Variants in GRM5 observed in about 807,000 individuals in gnomAD.
GRM5 encodes the protein metabotropic glutamate receptor 5.
GRM5 carries 19 observed loss-of-function variants against 83.1 expected under a neutral mutation model. That is an observed-to-expected ratio of 0.23 (90% CI 0.16 to 0.34). The LOEUF is 0.34. Ranked by LOEUF, GRM5 falls within the 10% of genes least tolerant of loss-of-function variation. GRM5 has a pLI of 1.00. For synonymous variants in GRM5, 675 were observed against 633.6 expected (o/e 1.07, Z -0.98); for missense variants, 1,160 against 1,588.3 (o/e 0.73, Z 4.58).
At chr11:88,656,242 A>G (rs904708910) in intron 3 of GRM5, among the ~76,000 whole-genome samples, 1 of 152,176 alleles carries the variant, frequency 6.6e-6, no homozygotes, top group Non-Finnish European at 1.5e-5. Flanking sequence ...AAGGCACTTT[A>G]CTAGATTTAT....
At chr11:88,523,656 G>A (rs1364627602) in intron 9 of GRM5, among the ~76,000 whole-genome samples, 2 of 152,126 alleles carry the variant, frequency 1.3e-5, no homozygotes, top group Non-Finnish European at 2.9e-5. Context: ...CACTATCATT[G>A]CCTTGTCTCT....
chr11:88,626,284 T>C (rs991529349), intron 4 of GRM5, among the ~76,000 whole-genome samples: 2 of 152,218 alleles, frequency 1.3e-5, no homozygotes, highest in African/African-American at 4.8e-5. Flanking sequence ...AACGTTGCTT[T>C]TATATTTTGC....
chr11:88,620,937 A>G (rs16914326), intron 4 of GRM5, among the ~76,000 whole-genome samples: 3,827 of 152,334 alleles, frequency 0.025, 208 homozygotes, highest in Admixed American at 0.14. Flanking sequence ...GGGAGCTTCA[A>G]AAATTCAACA....
At chr11:89,011,928 T>A (rs1243612870) in intron 2 of GRM5, among the ~76,000 whole-genome samples, 3 of 152,206 alleles carry the variant, frequency 2.0e-5, no homozygotes, top group East Asian at 1.9e-4. Flanking sequence ...ACAGAATGAT[T>A]AAGGGAAGAA....
chr11:88,706,764 G>A (rs960717118), intron 3 of GRM5, among the ~76,000 whole-genome samples: 1 of 151,360 alleles, frequency 6.6e-6, no homozygotes, highest in African/African-American at 2.4e-5. Flanking sequence ...TCCAAGATAT[G>A]AATGCTTATA....
intron 4 of GRM5, among the ~76,000 whole-genome samples, chr11:88,620,966 G>A (rs1205561648): frequency 2.0e-5 from 3 of 152,126 alleles, no homozygotes; most frequent in African/African-American, 4.8e-5. Flanking sequence ...ACACTTCTCC[G>A]TGCAGAACAT....
chr11:89,014,962 C>A (rs1228164938), intron 2 of GRM5, among the ~76,000 whole-genome samples: 21 of 152,218 alleles, frequency 1.4e-4, no homozygotes, highest in African/African-American at 5.1e-4. Context: ...CCATCTTTCA[C>A]TAGGGCTGAT....
At chr11:88,988,689 G>T (rs997708040) in intron 2 of GRM5, among the ~76,000 whole-genome samples, 4 of 151,624 alleles carry the variant, frequency 2.6e-5, no homozygotes, top group African/African-American at 9.7e-5. Context: ...AGCCAGAAGA[G>T]AGTGGAGGCC....
intron 3 of GRM5, among the ~76,000 whole-genome samples, chr11:88,782,649 C>T (rs186480928): frequency 8.6e-5 from 13 of 151,972 alleles, no homozygotes; most frequent in Non-Finnish European, 1.9e-4. Flanking sequence ...TTAAGATTGT[C>T]CCTGTTATAA....
At chr11:88,740,180 CA>C (rs956623708) in intron 3 of GRM5, among the ~76,000 whole-genome samples, 1 of 152,066 alleles carries the variant, frequency 6.6e-6, no homozygotes, top group African/African-American at 2.4e-5. Context: ...ATTACTTCCA[CA>C]CACTAATTTT....
intron 2 of GRM5, among the ~76,000 whole-genome samples, chr11:88,935,579 A>C (rs2135655757): frequency 6.6e-6 from 1 of 151,964 alleles, no homozygotes; most frequent in African/African-American, 2.4e-5. Context: ...GCAAGGTGTA[A>C]ACTTCCCCCA....
At chr11:89,033,660 A>G (rs1182966338) in intron 2 of GRM5, among the ~76,000 whole-genome samples, 1 of 151,938 alleles carries the variant, frequency 6.6e-6, no homozygotes, top group East Asian at 1.9e-4. Context: ...GATTGAAGGT[A>G]AAAGCAAAAG....
intron 2 of GRM5, among the ~76,000 whole-genome samples, chr11:88,990,696 G>A (rs1939932381): frequency 6.6e-6 from 1 of 151,074 alleles, no homozygotes; most frequent in African/African-American, 2.4e-5. Flanking sequence ...TGGGATGCAA[G>A]GCTGGTTCAA....
intron 7 of GRM5, 62 bp downstream of exon 7, chr11:88,590,539 C>G: frequency 7.3e-7 from 1 of 1,375,302 alleles, no homozygotes. Flanking sequence ...ATGTGACCCC[C>G]CTCTCCCACG....
At chr11:88,676,304 C>T (rs1229881123) in intron 3 of GRM5, among the ~76,000 whole-genome samples, 3 of 151,916 alleles carry the variant, frequency 2.0e-5, no homozygotes, top group African/African-American at 7.3e-5. Context: ...TTCAGTTTCA[C>T]ATGCATTATT....
intron 2 of GRM5, among the ~76,000 whole-genome samples, chr11:88,980,012 T>C (rs1172601942): frequency 6.6e-6 from 1 of 152,202 alleles, no homozygotes; most frequent in Non-Finnish European, 1.5e-5. Context: ...GACTATACAA[T>C]TTTAAATGTT....
chr11:88,896,198 C>T (rs1313664404), intron 2 of GRM5, among the ~76,000 whole-genome samples: 1 of 151,786 alleles, frequency 6.6e-6, no homozygotes, highest in Non-Finnish European at 1.5e-5. Flanking sequence ...AGGCTCAAAT[C>T]TAAGTTTGCC....
intron 8 of GRM5, among the ~76,000 whole-genome samples, chr11:88,542,324 G>T (rs764155379): frequency 6.6e-6 from 1 of 151,784 alleles, no homozygotes; most frequent in African/African-American, 2.4e-5. Context: ...CTAGATTAAA[G>T]AAAATAACCA....
chr11:88,711,823 T>C (rs1264518831), intron 3 of GRM5, among the ~76,000 whole-genome samples: 1 of 151,948 alleles, frequency 6.6e-6, no homozygotes, highest in African/African-American at 2.4e-5. Flanking sequence ...AAAAACATCA[T>C]ATAACTAGCC....
Sources: allele counts gnomAD v4.1 joint callset (sites outside exome capture counted in the v4.1 genomes callset), GRCh38; gene constraint gnomAD v4.1.1; transcripts MANE v1.5; gene names NCBI Gene and HGNC (gene_info 2026-07-23, HGNC 2026-07-21).